Variants in HECW1 observed in about 807,000 individuals in gnomAD.
HECW1 encodes E3 ubiquitin-protein ligase HECW1.
In HECW1, 61 loss-of-function variants were observed where a neutral mutation model predicts 182.3. That is an observed-to-expected ratio of 0.33 (90% CI 0.27 to 0.41). The LOEUF (loss-of-function observed/expected upper bound fraction) is 0.41, where lower values mean the gene tolerates loss of function less well. Among genes scored for constraint, HECW1 ranks in the 10% least tolerant of loss-of-function variants. The probability of loss-of-function intolerance (pLI) is 1.00; values close to 1 mark genes in which losing one functional copy is unlikely to be tolerated. For missense variants in HECW1, 1,739 were observed against 2,108.9 expected, an observed-to-expected ratio of 0.82 and a Z score of 3.44; for synonymous variants, 859 against 832.6, an observed-to-expected ratio of 1.03 and a Z score of -0.55.
At chr7:43,219,639 TAGAAC>T (rs563382870) in intron 2 of HECW1, among the ~76,000 whole-genome samples, 73 of 150,900 alleles carry the variant, frequency 4.8e-4, no homozygotes, top group East Asian at 9.7e-4. Flanking sequence ...ATAATTAGAA[TAGAAC>T]AGAACAGAAC....
chr7:43,423,534 A>G (rs934384553), intron 8 of HECW1, among the ~76,000 whole-genome samples: 2 of 152,160 alleles, frequency 1.3e-5, no homozygotes, highest in African/African-American at 2.4e-5. Flanking sequence ...TGTTAGCATC[A>G]TTTTTCAACT....
intron 2 of HECW1, among the ~76,000 whole-genome samples, chr7:43,231,679 C>G (rs766965464): frequency 6.6e-6 from 1 of 152,032 alleles, no homozygotes; most frequent in African/African-American, 2.4e-5. Flanking sequence ...AACCAAGTCC[C>G]GGTGGCAGCA....
At chr7:43,253,023 C>T (rs986444891) in intron 3 of HECW1, among the ~76,000 whole-genome samples, 1 of 152,002 alleles carries the variant, frequency 6.6e-6, no homozygotes, top group Non-Finnish European at 1.5e-5. Flanking sequence ...CAGTCATTTG[C>T]AAGTCTGTCT....
rs771280824 is a variant in HECW1 at position 43,360,959 on chromosome 7, G to A, written c.534G>A (p.Thr178=). 6.8e-6 allele frequency: 11 copies of A among 1,611,486 alleles called. No homozygotes were observed. The highest frequency in any genetic ancestry group is 9.3e-6 in the Non-Finnish European group (11 of 1,178,884). The change falls in exon 6 of 30, where the codon ACG becomes ACA. Residue 178 remains threonine, a synonymous_variant. Transcript: ENST00000395891. The stretch of plus-strand genomic sequence containing the variant: ...TGCGAGCAACCACCCCCAGTGTCAC[G>A]GTCAAAAACTCGGCAGCTCCTGTAA... ...GALRATTPSV[T]VKNSAAPIFK...
chr7:43,204,397 T>C (rs1419286045), intron 2 of HECW1, among the ~76,000 whole-genome samples: 3 of 152,238 alleles, frequency 2.0e-5, no homozygotes, highest in Non-Finnish European at 4.4e-5. Flanking sequence ...AGCACTGTAT[T>C]TTTTGCAAGA....
intron 3 of HECW1, among the ~76,000 whole-genome samples, chr7:43,253,319 G>C (rs958408977): frequency 6.6e-6 from 1 of 152,164 alleles, no homozygotes; most frequent in Non-Finnish European, 1.5e-5. Flanking sequence ...ACACATAGTT[G>C]TTGCTCACTT....
chr7:43,318,848 C>A (rs1026780281), intron 4 of HECW1, among the ~76,000 whole-genome samples: 1 of 152,220 alleles, frequency 6.6e-6, no homozygotes, highest in Non-Finnish European at 1.5e-5. Flanking sequence ...GTCCCTCCAG[C>A]CCCTACGGTG....
At chr7:43,293,367 C>T (rs924655821) in intron 3 of HECW1, among the ~76,000 whole-genome samples, 4 of 152,218 alleles carry the variant, frequency 2.6e-5, no homozygotes, top group African/African-American at 7.2e-5. Context: ...CCATTGGCCA[C>T]TTCATGCTCA....
chr7:43,565,170 GAGA>G lies in HECW1; in HGVS notation c.*3247_*3249del. 4.9e-6 allele frequency: 1 copy of G among 202,142 alleles called. No individual in the cohort carries two copies. The highest frequency in any genetic ancestry group is 7.6e-5 in the East Asian group (1 of 13,124). 12.5% of individuals were successfully genotyped at this position (202,142 alleles called of 1,614,324 possible). ...ATGGAAATTGATTCTGTGAGGTCAG[GAGA>G]AGTATTCTAAATCTACTGAACTCTT... is the stretch of plus-strand genomic sequence containing the variant. On this transcript the variant is annotated 3_prime_UTR_variant, in exon 30 of 30. Transcript: ENST00000395891.
chr7:43,245,006 C>T (rs143906566), intron 3 of HECW1, among the ~76,000 whole-genome samples: 254 of 152,350 alleles, frequency 1.7e-3, no homozygotes, highest in African/African-American at 5.9e-3. Context: ...GCTGCCTACT[C>T]ATGCAGAGGG....
chr7:43,351,299 C>G (rs1223113955), intron 5 of HECW1, among the ~76,000 whole-genome samples: 1 of 152,090 alleles, frequency 6.6e-6, no homozygotes, highest in Non-Finnish European at 1.5e-5. Flanking sequence ...CATAGGGGTC[C>G]TTGGCTTTGG....
intron 3 of HECW1, among the ~76,000 whole-genome samples, chr7:43,271,031 AC>A (rs1802343948): frequency 6.6e-6 from 1 of 152,214 alleles, no homozygotes; most frequent in Admixed American, 6.5e-5. Flanking sequence ...TCACTTCTCT[AC>A]AAATTAATAT....
Position 43,184,906 on chromosome 7 carries a change from G to C in HECW1, c.-31-58969G>C, listed in dbSNP as rs143991088. ...GCTGGAGCAAGAGGAACAGATGAGG[G>C]GAGGTGCCACACACCCTTAAACAAT... On this transcript the variant is annotated intron_variant, in intron 2 of 29. Transcript: ENST00000395891. Among the ~76,000 whole-genome samples, 310 of 152,042 alleles carry C rather than the reference G, an allele frequency of 2.0e-3. 1 individual carries two copies. Among genetic ancestry groups the C allele is most frequent in the African/African-American group, 6.9e-3 (285 of 41,462 alleles).
rs894824178 is a variant in HECW1 at position 43,562,994 on chromosome 7, T to A, written c.*1068T>A. The A allele has an allele frequency of 6.3e-6, 1 of 158,798 alleles. No individual in the cohort carries two copies. The highest frequency in any genetic ancestry group is 2.5e-4 in the South Asian group (1 of 3,966). The allele number at this position is 158,798 out of a possible 1,614,324, so 9.8% of individuals were successfully genotyped here. The stretch of plus-strand genomic sequence containing the variant: ...AAACCCTTTTTTTAAAACTTTGATA[T>A]TTTTTTTTCACATTTTTTTTTCCTT... On this transcript the variant is annotated 3_prime_UTR_variant, in exon 30 of 30. Transcript: ENST00000395891.
intron 6 of HECW1, among the ~76,000 whole-genome samples, chr7:43,365,967 G>T (rs1413609276): frequency 6.6e-6 from 1 of 152,060 alleles, no homozygotes; most frequent in Non-Finnish European, 1.5e-5. Flanking sequence ...AGCCAGCATG[G>T]TGGTGCATGT....
At chr7:43,359,026 A>G (rs1407301118) in intron 5 of HECW1, among the ~76,000 whole-genome samples, 1 of 152,050 alleles carries the variant, frequency 6.6e-6, no homozygotes, top group Non-Finnish European at 1.5e-5. Context: ...AGGTTTCACC[A>G]TGTTGGCCAG....
At chr7:43,549,638 T>C (rs1210838224) in intron 26 of HECW1, among the ~76,000 whole-genome samples, 2 of 152,228 alleles carry the variant, frequency 1.3e-5, no homozygotes, top group African/African-American at 4.8e-5. Flanking sequence ...GACTCAAGCA[T>C]GTCCTAACAA....
intron 8 of HECW1, among the ~76,000 whole-genome samples, chr7:43,412,500 T>C (rs1405166248): frequency 6.6e-6 from 1 of 151,342 alleles, no homozygotes; most frequent in Admixed American, 6.6e-5. Flanking sequence ...ATGTGCACCT[T>C]GTGCAGGTTA....
At chr7:43,114,074 G>C (rs988411296) in intron 1 of HECW1, 83 bp from the exon 2 acceptor site, 2 of 423,780 alleles carry the variant, frequency 4.7e-6, no homozygotes, top group Middle Eastern at 1.4e-3. Context: ...ATTATTTGAC[G>C]TTGCTGTAGT....
Sources: gnomAD v4.1 joint callset for allele counts (sites outside exome capture counted in the v4.1 genomes callset) on GRCh38, gnomAD v4.1.1 for gene constraint, MANE v1.5 for transcripts, NCBI Gene and HGNC (gene_info 2026-07-23, HGNC 2026-07-21) for gene names.